TMEM242: variants seen among roughly 807,000 people sequenced by gnomAD.
TMEM242 encodes the protein transmembrane protein 242, also known as UPF0463 transmembrane protein C6orf35.
Under a neutral mutation model 18.2 loss-of-function variants are expected in TMEM242, and 10 were observed. That is an observed-to-expected ratio of 0.55 (90% CI 0.34 to 0.93). The LOEUF (loss-of-function observed/expected upper bound fraction) is 0.93, where lower values mean the gene tolerates loss of function less well. Among genes scored for constraint, TMEM242 ranks in the 40% least tolerant of loss-of-function variants. The probability of loss-of-function intolerance (pLI) is 0.02; values close to 1 mark genes in which losing one functional copy is unlikely to be tolerated. For missense variants in TMEM242, 186 were observed against 175.5 expected, an observed-to-expected ratio of 1.06 and a Z score of -0.34; for synonymous variants, 57 against 69.9, an observed-to-expected ratio of 0.81 and a Z score of 0.92.
At position 157,322,950 on chromosome 6, in the gene TMEM242, C is replaced by T. The variant is rs1778519011; in HGVS notation, c.89-145G>A. ...AATTCAAGAAACCATGGCTAAGCAG[C>T]TCTTGCTAACAGTAAATGACAGCGG... On this transcript the variant is annotated intron_variant, in intron 1 of 3. Transcript: ENST00000400788. The T allele has an allele frequency of 7.2e-6, 5 of 691,796 alleles. No homozygotes were observed. The South Asian group carries it at 8.1e-5, about 11-fold the overall frequency. The allele number at this position is 691,796 out of a possible 1,614,324, so 42.9% of individuals were successfully genotyped here.
intron 1 of TMEM242, 55 bp downstream of exon 1, chr6:157,323,357 C>T: frequency 6.3e-7 from 1 of 1,576,474 alleles, no homozygotes; most frequent in Admixed American, 1.7e-5. Context: ...CAGAGCAAGC[C>T]AGGGTCCGGG....
intron 3 of TMEM242, among the ~76,000 whole-genome samples, chr6:157,312,480 T>A (rs1205637708): frequency 0.095 from 6,328 of 66,786 alleles, 112 homozygotes; most frequent in East Asian, 0.2. Flanking sequence ...TCACCTAGCC[T>A]CATCATAGTG....
In TMEM242 at chr6:157,292,822, C is replaced by T. The variant is rs1373541982; in HGVS notation, c.*79G>A. The T allele has an allele frequency of 3.5e-6, 4 of 1,138,922 alleles. No individual in the cohort carries two copies. Among genetic ancestry groups the T allele is most frequent in the Admixed American group, 1.7e-5 (1 of 57,942 alleles). 70.6% of individuals were successfully genotyped at this position (1,138,922 alleles called of 1,614,324 possible). ...GCCCATGTTCCTGGGAGAAATCAGT[C>T]CCAGTCCTTTTGCTGTCATGGTGTC... On this transcript the variant is annotated 3_prime_UTR_variant, in exon 4 of 4. Coordinates refer to ENST00000400788, the MANE Select transcript of TMEM242 (RefSeq NM_018452.6).
chr6:157,299,805 T>C, intron 3 of TMEM242: 1 of 1,608,054 alleles, frequency 6.2e-7, no homozygotes, highest in Non-Finnish European at 8.5e-7. Flanking sequence ...ATGAAAGGGC[T>C]GCCATGTTGA....
chr6:157,321,633 C>T (rs587624954), intron 2 of TMEM242, among the ~76,000 whole-genome samples: 101 of 152,310 alleles, frequency 6.6e-4, no homozygotes, highest in Non-Finnish European at 1.1e-3. Context: ...TTGAAAACCA[C>T]TGTTAGACCC....
intron 3 of TMEM242, among the ~76,000 whole-genome samples, chr6:157,312,620 C>G (rs1554249341): frequency 7.5e-6 from 1 of 134,220 alleles, no homozygotes; most frequent in African/African-American, 2.8e-5. Context: ...CTAGCCTCAC[C>G]ATAGTGTCGC....
rs1168807875 is a variant in TMEM242 at position 157,289,873 on chromosome 6, G to T, written c.*3028C>A. 6 of 152,368 alleles carry T rather than the reference G, an allele frequency of 3.9e-5. No homozygotes were observed. Among genetic ancestry groups the T allele is most frequent in the Admixed American group, 1.3e-4 (2 of 15,306 alleles). 9.4% of individuals were successfully genotyped at this position (152,368 alleles called of 1,614,324 possible). A position where few individuals can be genotyped will look rare whatever the true frequency, so the allele number is the denominator to read the frequency against. On this transcript the variant is annotated 3_prime_UTR_variant, in exon 4 of 4. Coordinates refer to ENST00000400788, the MANE Select transcript of TMEM242 (RefSeq NM_018452.6). Reference sequence around the variant, plus strand: ...CGCCAGCCTGGGCCCATGCCCTGACGCGAGGGTGGTGGTGGAGATGGCCCA... The same window carrying T: ...CGCCAGCCTGGGCCCATGCCCTGACTCGAGGGTGGTGGTGGAGATGGCCCA...
At chr6:157,321,828 C>T (rs1778499168) in intron 2 of TMEM242, among the ~76,000 whole-genome samples, 1 of 152,196 alleles carries the variant, frequency 6.6e-6, no homozygotes, top group South Asian at 2.1e-4. Context: ...TGTTAAGGCA[C>T]TACTCTGATT....
intron 3 of TMEM242, among the ~76,000 whole-genome samples, chr6:157,310,916 G>A (rs1554248498): frequency 1.2e-4 from 19 of 152,192 alleles, no homozygotes; most frequent in African/African-American, 2.9e-4. Flanking sequence ...GTGCCCCAGT[G>A]TGCACTCACC....
intron 3 of TMEM242, among the ~76,000 whole-genome samples, chr6:157,308,205 C>T (rs754481128): frequency 1.6e-4 from 24 of 152,182 alleles, no homozygotes; most frequent in Non-Finnish European, 2.5e-4. Flanking sequence ...CACTCTACAA[C>T]GCTGCTTCAT....
intron 3 of TMEM242, among the ~76,000 whole-genome samples, chr6:157,311,334 C>T (rs868995259): frequency 2.9e-4 from 37 of 129,710 alleles, no homozygotes; most frequent in South Asian, 5.0e-4. Context: ...CTAGCCTCAT[C>T]ATAGTGTCCC....
intron 2 of TMEM242, among the ~76,000 whole-genome samples, chr6:157,321,644 C>T (rs772406076): frequency 2.0e-4 from 30 of 152,078 alleles, no homozygotes; most frequent in Admixed American, 3.3e-4. Flanking sequence ...TGTTAGACCC[C>T]GAAGAGCATC....
At chr6:157,300,827 G>T (rs1777820464) in intron 3 of TMEM242, among the ~76,000 whole-genome samples, 1 of 152,156 alleles carries the variant, frequency 6.6e-6, no homozygotes, top group South Asian at 2.1e-4. Context: ...CGACTTCTCA[G>T]GTAGAAAGCT....
At chr6:157,317,257 G>C (rs587743914) in intron 3 of TMEM242, among the ~76,000 whole-genome samples, 114 of 152,058 alleles carry the variant, frequency 7.5e-4, no homozygotes, top group Middle Eastern at 3.4e-3. Context: ...ATTCTCTTTT[G>C]AATCACTCAG....
At chr6:157,316,946 T>C (rs1472557423) in intron 3 of TMEM242, among the ~76,000 whole-genome samples, 4 of 152,206 alleles carry the variant, frequency 2.6e-5, no homozygotes, top group African/African-American at 4.8e-5. Context: ...TGTCTATCAG[T>C]GTATTCTGAG....
At chr6:157,318,654 G>T in intron 3 of TMEM242, 128 bp downstream of exon 3, 2 of 1,022,956 alleles carry the variant, frequency 2.0e-6, no homozygotes, top group Non-Finnish European at 1.4e-6. Context: ...ATTTAGTCAC[G>T]TACTCTGTCA....
At position 157,304,481 on chromosome 6, in the gene TMEM242, AAAAAAAAAAAGAG is replaced by A. The variant is rs1268988649; in HGVS notation, c.328-11495_328-11483del. 1.0e-4 allele frequency among the ~76,000 whole-genome samples: 13 copies of A among 125,078 alleles called. No homozygotes were observed. The East Asian group carries it at 1.5e-3, about 14-fold the overall frequency. 82.1% of individuals were successfully genotyped at this position (125,078 alleles called of 152,430 possible). Reference sequence around the variant, plus strand: ...CTCTGTCAAAAAAAAAAAAAAAAAAAAAAAAAAAAAGAGAGAGAGAGAGAGTGCCACTGAAATG... The same window carrying A: ...CTCTGTCAAAAAAAAAAAAAAAAAAAAGAGAGAGAGAGTGCCACTGAAATG... On this transcript the variant is annotated intron_variant, in intron 3 of 3. Transcript: ENST00000400788.
In TMEM242 at chr6:157,323,176, T is replaced by C. The variant is rs781949319; in HGVS notation, c.88+236A>G. On this transcript the variant is annotated intron_variant, in intron 1 of 3. Coordinates refer to ENST00000400788, the MANE Select transcript of TMEM242 (RefSeq NM_018452.6). ...CAATTGCAGAGGTGACGGGGAAATA[T>C]GGCACGCCCGGGAGAATAGCTCGCG... is the stretch of plus-strand genomic sequence containing the variant. Among the ~76,000 whole-genome samples, 8 of 152,234 alleles carry C rather than the reference T, an allele frequency of 5.3e-5. No homozygotes were observed. The South Asian group carries it at 8.3e-4, about 16-fold the overall frequency.
chr6:157,316,747 G>C (rs587708858), intron 3 of TMEM242, among the ~76,000 whole-genome samples: 9 of 152,212 alleles, frequency 5.9e-5, no homozygotes, highest in African/African-American at 2.2e-4. Context: ...ATAGTGACAT[G>C]CATCTGTGGT....
Sources: gnomAD v4.1 joint callset for allele counts (sites outside exome capture counted in the v4.1 genomes callset) on GRCh38, gnomAD v4.1.1 for gene constraint, MANE v1.5 for transcripts, NCBI Gene and HGNC (gene_info 2026-07-23, HGNC 2026-07-21) for gene names.